The following THTPA variants were observed in gnomAD, a reference collection of about 807,000 sequenced individuals.
THTPA encodes the protein thiamine triphosphatase, also known as thiamine-triphosphatase.
A neutral mutation model predicts 16.5 loss-of-function variants in THTPA; 16 were observed. The ratio of observed to expected loss-of-function variants is 0.97; its 90% CI spans 0.66 to 1.47. The LOEUF (loss-of-function observed/expected upper bound fraction) is 1.47. THTPA is among the 40% of genes most tolerant of loss of function. The pLI is 0.00. For synonymous variants in THTPA, 110 were observed against 115.5 expected (o/e 0.95, Z 0.30); for missense variants, 281 against 280.9 (o/e 1.00, Z 0.00).
At chr14:23,540,466 A>C in the THTPA span, among the ~76,000 whole-genome samples, 2 of 152,176 alleles carry the variant, frequency 1.3e-5, no homozygotes, top group Non-Finnish European at 2.9e-5. Flanking sequence ...CCTGTTGATT[A>C]CAAGAGGAGG....
At chr14:23,527,789 A>G in the THTPA span, 1 of 1,530,296 alleles carries the variant, frequency 6.5e-7, no homozygotes, top group Non-Finnish European at 8.7e-7. Flanking sequence ...AAGCTGCAGT[A>G]TGGACAGCAG....
upstream of THTPA, among the ~76,000 whole-genome samples, chr14:23,552,945 C>T (rs763937541): frequency 1.3e-5 from 2 of 152,178 alleles, no homozygotes; most frequent in Non-Finnish European, 2.9e-5. Flanking sequence ...CTTGAATGCA[C>T]AGGGACAGTT....
chr14:23,512,391 C>T, the THTPA span, among the ~76,000 whole-genome samples: 1 of 151,882 alleles, frequency 6.6e-6, no homozygotes, highest in Non-Finnish European at 1.5e-5. Context: ...GCACAGGGGC[C>T]CTGGGAACTG....
chr14:23,530,880 C>G, the THTPA span: 1 of 220,542 alleles, frequency 4.5e-6, no homozygotes, highest in African/African-American at 2.4e-5. Flanking sequence ...ACGCCCATGC[C>G]CACCTCTGGC....
the THTPA span, chr14:23,526,190 G>A: frequency 6.5e-7 from 1 of 1,536,572 alleles, no homozygotes; most frequent in Non-Finnish European, 8.7e-7. Flanking sequence ...TCTGCAGACT[G>A]TGCACTTAAA....
rs775408096 is a variant in THTPA at position 23,558,812 on chromosome 14, C to T, written c.665C>T (p.Thr222Ile). Residue 222 changes from threonine to isoleucine, a missense_variant, in exon 2 of 2, where the codon ACT becomes ATT. Transcript: ENST00000288014. ...VNSSRERPQE[T>I]EDPDHCLG is the part of the protein sequence containing the mutation. The stretch of plus-strand genomic sequence containing the variant: ...AGCTCCAGAGAGAGGCCACAGGAGA[C>T]TGAAGATCCTGACCACTGCCTGGGC... The T allele has an allele frequency of 2.5e-6, 4 of 1,614,232 alleles. No homozygotes were observed. In the Admixed American group the frequency reaches 5.0e-5, roughly 20 times the overall value.
At chr14:23,545,923 C>G in the THTPA span, among the ~76,000 whole-genome samples, 4 of 152,234 alleles carry the variant, frequency 2.6e-5, no homozygotes, top group Non-Finnish European at 5.9e-5. Flanking sequence ...GAAACACAAT[C>G]TAACACTCTT....
Position 23,558,980 on chromosome 14 carries a change from A to C in THTPA, c.*140A>C. On this transcript the variant is annotated 3_prime_UTR_variant, in exon 2 of 2. Transcript: ENST00000288014. Reference sequence around the variant, plus strand: ...GCTGCCTGTTTCTTCCCCCTCCTCTAAGCTACTCTTCCTTGAGCCCTCCCT... The same window carrying C: ...GCTGCCTGTTTCTTCCCCCTCCTCTCAGCTACTCTTCCTTGAGCCCTCCCT... 1 of 1,037,816 alleles carries C rather than the reference A, an allele frequency of 9.6e-7. No homozygotes were observed. Among genetic ancestry groups the C allele is most frequent in the Non-Finnish European group, 1.4e-6 (1 of 727,016 alleles). 64.3% of individuals were successfully genotyped at this position (1,037,816 alleles called of 1,614,324 possible).
At position 23,559,204 on chromosome 14, in the gene THTPA, C is replaced by T. The variant is rs1456523938; in HGVS notation, c.*364C>T. 1.2e-5 allele frequency: 3 copies of T among 244,492 alleles called. No homozygotes were observed. The highest frequency in any genetic ancestry group is 1.2e-4 in the South Asian group (2 of 16,804). 15.1% of individuals were successfully genotyped at this position (244,492 alleles called of 1,614,324 possible). A position where few individuals can be genotyped will look rare whatever the true frequency, so the allele number is the denominator to read the frequency against. ...TTGATTCTGCCAGCGGCTCCTAAAC[C>T]GCCTTACAGCTGAGTTAGAAGATGA... On this transcript the variant is annotated 3_prime_UTR_variant, in exon 2 of 2. Coordinates refer to ENST00000288014, the MANE Select transcript of THTPA (RefSeq NM_024328.6).
chr14:23,536,837 A>G, the THTPA span, among the ~76,000 whole-genome samples: 5 of 152,162 alleles, frequency 3.3e-5, no homozygotes, highest in Admixed American at 6.5e-5. Context: ...ACTCCAAAGG[A>G]CTAGAAATGA....
upstream of THTPA, among the ~76,000 whole-genome samples, chr14:23,554,486 G>A (rs1280207778): frequency 6.6e-6 from 1 of 151,776 alleles, no homozygotes; most frequent in Non-Finnish European, 1.5e-5. Flanking sequence ...AAGCTATCCC[G>A]CTGCCTCAAC....
At chr14:23,518,817 T>A in the THTPA span, among the ~76,000 whole-genome samples, 1 of 152,234 alleles carries the variant, frequency 6.6e-6, no homozygotes, top group African/African-American at 2.4e-5. This position sits in a 1 kb window ranked among gnomAD's most constrained non-coding sequence, Gnocchi z 4.5. Context: ...GGCATTAGCC[T>A]CTAGGATTCT....
At chr14:23,533,333 T>C in the THTPA span, 1 of 1,439,224 alleles carries the variant, frequency 6.9e-7, no homozygotes, top group Non-Finnish European at 9.1e-7. The surrounding 1 kb of genome is among the most constrained non-coding windows in gnomAD (Gnocchi z 4.8). Flanking sequence ...TGGAAACCAT[T>C]GAGAAGTAGC....
chr14:23,522,323 C>A, the THTPA span: 1 of 1,529,230 alleles, frequency 6.5e-7, no homozygotes, highest in Non-Finnish European at 8.8e-7. Context: ...GCACTGGCGG[C>A]ACAGGTAGCG....
rs1292153279 is a variant in THTPA at position 23,559,698 on chromosome 14, G to A, written c.*858G>A. 2 of 1,572,702 alleles carry A rather than the reference G, an allele frequency of 1.3e-6. No individual in the cohort carries two copies. The highest frequency in any genetic ancestry group is 1.1e-5 in the South Asian group (1 of 88,856). ...CAGGTGTAGGTTCGAAGCTGCTGGG[G>A]CCCCCTGGGGTTTGGGACACAGGAG... On this transcript the variant is annotated 3_prime_UTR_variant, in exon 2 of 2. Coordinates refer to ENST00000288014, the MANE Select transcript of THTPA (RefSeq NM_024328.6).
rs1226331666 is a variant in THTPA at position 23,556,417 on chromosome 14, C to G, written c.-341C>G. The G allele has an allele frequency of 3.6e-6, 1 of 278,736 alleles. No individual in the cohort carries two copies. The highest frequency in any genetic ancestry group is 6.8e-6 in the Non-Finnish European group (1 of 147,042). The allele number at this position is 278,736 out of a possible 1,614,324, so 17.3% of individuals were successfully genotyped here. ...TCCTCCCGGGTCGTGAGCCAGTAGC[C>G]TCCTGGGGTGGCAAGGTGTAGAGAG... On this transcript the variant is annotated 5_prime_UTR_variant, in exon 1 of 2. Coordinates refer to ENST00000288014, the MANE Select transcript of THTPA (RefSeq NM_024328.6).
chr14:23,551,057 C>T (rs1595200834), upstream of THTPA, among the ~76,000 whole-genome samples: 1 of 152,014 alleles, frequency 6.6e-6, no homozygotes, highest in African/African-American at 2.4e-5. This position sits in a 1 kb window ranked among gnomAD's most constrained non-coding sequence, Gnocchi z 5.3. Flanking sequence ...TCTGCCTTTC[C>T]CGTTCCCGTT....
chr14:23,546,033 G>C, the THTPA span, among the ~76,000 whole-genome samples: 1 of 152,224 alleles, frequency 6.6e-6, no homozygotes, highest in Non-Finnish European at 1.5e-5. The surrounding 1 kb of genome is among the most constrained non-coding windows in gnomAD (Gnocchi z 4.7). Context: ...GTCCAGGGCA[G>C]TTAGCTATGA....
the THTPA span, chr14:23,525,986 C>A: frequency 1.3e-6 from 2 of 1,521,824 alleles, no homozygotes; most frequent in Non-Finnish European, 1.8e-6. The surrounding 1 kb of genome is among the most constrained non-coding windows in gnomAD (Gnocchi z 5.9). Flanking sequence ...GAAAGGCAAT[C>A]CAGATATGAA....
Sources: gnomAD v4.1 joint callset for allele counts (sites outside exome capture counted in the v4.1 genomes callset) on GRCh38, gnomAD v4.1.1 for gene constraint, Gnocchi (gnomAD v3.1) non-coding constraint, MANE v1.5 for transcripts, NCBI Gene and HGNC (gene_info 2026-07-23, HGNC 2026-07-21) for gene names.